Variants in GDAP1 observed in about 807,000 individuals in gnomAD.
The protein encoded by GDAP1 is ganglioside induced differentiation associated protein 1, also known as ganglioside-induced differentiation-associated protein 1.
Under a neutral mutation model 40.1 loss-of-function variants are expected in GDAP1, and 34 were observed. The ratio of observed to expected loss-of-function variants is 0.85; its 90% CI spans 0.64 to 1.13. GDAP1 has a LOEUF of 1.13. Among genes scored for constraint, GDAP1 ranks in the 50% most tolerant of loss-of-function variants. The pLI, the probability that GDAP1 is intolerant of heterozygous loss-of-function variation, is 0.00. For missense variants in GDAP1, 374 were observed against 433.7 expected (o/e 0.86, Z 1.22); for synonymous variants, 170 against 157.4 (o/e 1.08, Z -0.60).
chr8:74,419,585 A>G (rs766630199), intron 2 of GDAP1, among the ~76,000 whole-genome samples: 1 of 152,310 alleles, frequency 6.6e-6, no homozygotes, highest in African/African-American at 2.4e-5. Flanking sequence ...CAAGAGAGCT[A>G]TTATTTGAAA....
intron 2 of GDAP1, among the ~76,000 whole-genome samples, chr8:74,393,375 A>G (rs1003958126): frequency 1.3e-5 from 2 of 152,192 alleles, no homozygotes; most frequent in African/African-American, 4.8e-5. Context: ...GGGTGAGCTC[A>G]GTAAGTTTAG....
At chr8:74,369,617 TTGTG>T (rs750701676), downstream of GDAP1, among the ~76,000 whole-genome samples, 8 of 118,536 alleles carry the variant, frequency 6.7e-5, no homozygotes, top group Admixed American at 2.9e-4. Flanking sequence ...GGGCAGGAAA[TTGTG>T]TGTGTGTGTG....
chr8:74,389,533 G>GCAGAGACAT (rs1488603083), intron 2 of GDAP1, among the ~76,000 whole-genome samples: 1 of 152,168 alleles, frequency 6.6e-6, no homozygotes, highest in African/African-American at 2.4e-5. Flanking sequence ...TAGTGTTTCT[G>GCAGAGACAT]CAGAGACATC....
intron 2 of GDAP1, among the ~76,000 whole-genome samples, chr8:74,456,475 G>A (rs1806337462): frequency 6.6e-6 from 1 of 151,880 alleles, no homozygotes; most frequent in African/African-American, 2.4e-5. Context: ...TGAAGATCAG[G>A]ATTGAGAAAA....
Position 74,441,223 on chromosome 8 carries a change from A to G in GDAP1, c.166-47455A>G, listed in dbSNP as rs140234121. On this transcript the variant is annotated intron_variant, in intron 2 of 2. Transcript: ENST00000523640. ...TGTAGTGATTTAAAAACAACGAAAG[A>G]CTTGGGCCACTTTCCTTCAGGACAT... is the stretch of plus-strand genomic sequence containing the variant. Among the ~76,000 whole-genome samples, 522 of 152,196 alleles carry G rather than the reference A, an allele frequency of 3.4e-3. 1 individual carries two copies. The highest frequency in any genetic ancestry group is 0.012 in the African/African-American group (496 of 41,532).
chr8:74,424,845 C>A (rs1261009727), intron 2 of GDAP1, among the ~76,000 whole-genome samples: 4 of 152,124 alleles, frequency 2.6e-5, no homozygotes, highest in African/African-American at 9.7e-5. Flanking sequence ...ATCTATTTCA[C>A]ACATCCAAGA....
intron 2 of GDAP1, among the ~76,000 whole-genome samples, chr8:74,437,201 A>G (rs1806103450): frequency 6.6e-6 from 1 of 152,210 alleles, no homozygotes; most frequent in Admixed American, 6.5e-5. Context: ...AAATCCTGTG[A>G]AGTCCTTTGA....
chr8:74,459,513 G>A (rs1806374889), intron 2 of GDAP1, among the ~76,000 whole-genome samples: 1 of 152,174 alleles, frequency 6.6e-6, no homozygotes, highest in Admixed American at 6.5e-5. Context: ...TTCTGAGGCA[G>A]AAGCTTCTGG....
At chr8:74,447,362 T>G (rs1020154859) in intron 2 of GDAP1, among the ~76,000 whole-genome samples, 7 of 152,176 alleles carry the variant, frequency 4.6e-5, no homozygotes, top group Non-Finnish European at 8.8e-5. Flanking sequence ...GGGTCCATTT[T>G]TCCATTTTTT....
intron 2 of GDAP1, among the ~76,000 whole-genome samples, chr8:74,467,515 A>C (rs531080476): frequency 1.3e-5 from 2 of 152,204 alleles, no homozygotes; most frequent in East Asian, 3.9e-4. Flanking sequence ...GGGTAAGTTC[A>C]GTGAAGATAT....
chr8:74,438,697 C>A (rs1806123509), intron 2 of GDAP1, among the ~76,000 whole-genome samples: 1 of 152,112 alleles, frequency 6.6e-6, no homozygotes, highest in South Asian at 2.1e-4. Flanking sequence ...ACCTCCTGGG[C>A]TCCAGCAATC....
intron 2 of GDAP1, among the ~76,000 whole-genome samples, chr8:74,393,006 G>A (rs777712701): frequency 1.3e-5 from 2 of 152,134 alleles, no homozygotes; most frequent in Admixed American, 6.5e-5. Context: ...TACTAATATA[G>A]ATTGCATTTT....
intron 2 of GDAP1, among the ~76,000 whole-genome samples, chr8:74,411,860 C>G (rs1805713870): frequency 6.7e-6 from 1 of 149,104 alleles, no homozygotes; most frequent in Non-Finnish European, 1.5e-5. Context: ...CCAGTCTGAG[C>G]AATGGAGCAA....
chr8:74,357,592 A>G (rs1177399838), intron 2 of GDAP1, among the ~76,000 whole-genome samples: 1 of 152,164 alleles, frequency 6.6e-6, no homozygotes, highest in Non-Finnish European at 1.5e-5. Flanking sequence ...TGCTGCCTAA[A>G]TTTATGTGTA....
At chr8:74,459,465 TG>T (rs1563475132) in intron 2 of GDAP1, among the ~76,000 whole-genome samples, 2 of 152,176 alleles carry the variant, frequency 1.3e-5, no homozygotes, top group Non-Finnish European at 2.9e-5. Flanking sequence ...TCTAGTGTTT[TG>T]TCTGGGATTC....
intron 2 of GDAP1, among the ~76,000 whole-genome samples, chr8:74,482,094 C>T (rs1369795194): frequency 2.3e-5 from 3 of 130,992 alleles, no homozygotes; most frequent in East Asian, 4.4e-4. Context: ...ACATGCTTCT[C>T]AAACCAAACT....
At position 74,361,916 on chromosome 8, in the gene GDAP1, A is replaced by G. The variant is rs749501057; in HGVS notation, c.517A>G (p.Lys173Glu). ...QIGNTESELK[K>E]LAEENPDLQE... is the part of the protein sequence containing the mutation. ...TGGAAACACAGAGTCTGAGCTGAAG[A>G]AACTTGCTGAAGAAAACCCAGATTT... Residue 173 changes from lysine (K) to glutamate (E), a missense_variant, in exon 4 of 6, where the codon AAA becomes GAA. Physicochemically the swap from Lys to Glu is moderately conservative, Grantham distance 56. Transcript: ENST00000220822. 6.2e-6 allele frequency: 10 copies of G among 1,609,076 alleles called. No individual in the cohort carries two copies. The highest frequency in any genetic ancestry group is 8.5e-6 in the Non-Finnish European group (10 of 1,175,508).
At chr8:74,388,441 A>G (rs572334743) in intron 2 of GDAP1, among the ~76,000 whole-genome samples, 124 of 152,156 alleles carry the variant, frequency 8.1e-4, no homozygotes, top group African/African-American at 2.4e-3. Context: ...TATTTACCCA[A>G]TAGTCCATTC....
Position 74,380,004 on chromosome 8 carries a change from T to C in GDAP1, c.165+28683T>C, listed in dbSNP as rs73347255. ...CCAGTTTTGGATTTTGATAGCAGAA[T>C]ATACTGCACTTGGGATACTGCTCTG... On this transcript the variant is annotated intron_variant, in intron 2 of 2. Coordinates refer to the GDAP1 transcript ENST00000523640. Among the ~76,000 whole-genome samples the C allele has an allele frequency of 4.3e-3, 659 of 152,320 alleles. 4 individuals are homozygous for C. Among genetic ancestry groups the C allele is most frequent in the African/African-American group, 0.015 (624 of 41,578 alleles).
Sources: allele counts gnomAD v4.1 joint callset (sites outside exome capture counted in the v4.1 genomes callset), GRCh38; gene constraint gnomAD v4.1.1; transcripts MANE v1.5; gene names NCBI Gene and HGNC (gene_info 2026-07-23, HGNC 2026-07-21).